The following PLCD3 variants were observed in gnomAD, a reference collection of about 807,000 sequenced individuals.
The protein encoded by PLCD3 is 1-phosphatidylinositol 4,5-bisphosphate phosphodiesterase delta-3.
Under a neutral mutation model 82.8 loss-of-function variants are expected in PLCD3, and 62 were observed. That is an observed-to-expected ratio of 0.75 (90% CI 0.61 to 0.93). PLCD3 has a LOEUF of 0.93. PLCD3 is among the 40% of genes least tolerant of loss of function. The pLI, the probability that PLCD3 is intolerant of heterozygous loss-of-function variation, is 0.00. For synonymous variants in PLCD3, 478 were observed against 471.8 expected, an observed-to-expected ratio of 1.01 and a Z score of -0.17; for missense variants, 1,023 against 1,103.4, an observed-to-expected ratio of 0.93 and a Z score of 1.03.
intron 1 of PLCD3, among the ~76,000 whole-genome samples, chr17:45,126,042 CAT>C (rs1567883924): frequency 1.5e-5 from 2 of 132,352 alleles, no homozygotes; most frequent in Admixed American, 8.5e-5. Context: ...TATATTTTAC[CAT>C]ATTTTTTTTT....
At chr17:45,119,663 A>T (rs2054320884) in intron 4 of PLCD3, among the ~76,000 whole-genome samples, 1 of 152,220 alleles carries the variant, frequency 6.6e-6, no homozygotes, top group Admixed American at 6.5e-5. Context: ...TTGGGCCCTC[A>T]CACTCCCCTA....
chr17:45,129,577 C>T (rs1018753642), intron 1 of PLCD3, among the ~76,000 whole-genome samples: 1 of 152,198 alleles, frequency 6.6e-6, no homozygotes, highest in African/African-American at 2.4e-5. Context: ...TGATTTCACC[C>T]CTCCGCCTTG....
At position 45,120,937 on chromosome 17, in the gene PLCD3, G is replaced by C; in HGVS notation, c.519C>G (p.Arg173=). 1 of 1,475,154 alleles carries C rather than the reference G, an allele frequency of 6.8e-7. No homozygotes were observed. The highest frequency in any genetic ancestry group is 1.3e-5 in the South Asian group (1 of 75,376). The allele number at this position is 1,475,154 out of a possible 1,614,324, so 91.4% of individuals were successfully genotyped here. Residue 173 remains arginine, a synonymous_variant, in exon 3 of 15, where the codon CGC becomes CGG. Coordinates refer to ENST00000619929, the MANE Select transcript of PLCD3 (RefSeq NM_133373.5). ...WVRGLTKLRA[R]LDAMSQRERL... Reference sequence around the variant, plus strand: ...GCTCGCGCTGGCTCATGGCGTCCAGGCGCGCGCGGAGCTTGGTCAGACCGC... The same window carrying C: ...GCTCGCGCTGGCTCATGGCGTCCAGCCGCGCGCGGAGCTTGGTCAGACCGC...
Position 45,118,895 on chromosome 17 carries a change from A to G in PLCD3, c.833T>C (p.Phe278Ser). Reference sequence around the variant, plus strand: ...GCCCTCCTCGCCCTGGTCCTCCAGGAACTCCAGCAGCTCAGGGGCACTCAG... The same window carrying G: ...GCCCTCCTCGCCCTGGTCCTCCAGGGACTCCAGCAGCTCAGGGGCACTCAG... ...RVLSAPELLE[F>S]LEDQGEEGAT... Residue 278 changes from phenylalanine to serine, a missense_variant, in exon 5 of 15, where the codon TTC (phenylalanine) becomes TCC (serine). Transcript: ENST00000619929. The surrounding 1 kb of genome is among the most constrained non-coding windows in gnomAD (Gnocchi z 4.1). 1 of 1,612,690 alleles carries G rather than the reference A, an allele frequency of 6.2e-7. No homozygotes were observed. Among genetic ancestry groups the G allele is most frequent in the Non-Finnish European group, 8.5e-7 (1 of 1,179,850 alleles).
At position 45,120,952 on chromosome 17, in the gene PLCD3, G is replaced by T. The variant is rs1262803919; in HGVS notation, c.504C>A (p.Thr168=). The T allele has an allele frequency of 1.3e-6, 2 of 1,508,798 alleles. No homozygotes were observed. The highest frequency in any genetic ancestry group is 1.2e-5 in the South Asian group (1 of 80,536). The allele number at this position is 1,508,798 out of a possible 1,614,324, so 93.5% of individuals were successfully genotyped here. Residue 168 remains threonine, a synonymous_variant, in exon 3 of 15, where the codon ACC becomes ACA. Transcript: ENST00000619929. ...EEAQRWVRGL[T]KLRARLDAMS... is the part of the protein sequence containing the mutation. ...TGGCGTCCAGGCGCGCGCGGAGCTT[G>T]GTCAGACCGCGCACCCAGCGCTGCG...
Position 45,115,258 on chromosome 17 carries a change from C to G in PLCD3, c.1561-14G>C. On this transcript the variant is annotated splice_polypyrimidine_tract_variant and intron_variant, in intron 9 of 14. Transcript: ENST00000619929. Reference sequence around the variant, plus strand: ...GATCTGCTTGGCCTAGGAGACCAGGCTCAGCGGGGTTCAGCTGGCCCCCGC... The same window carrying G: ...GATCTGCTTGGCCTAGGAGACCAGGGTCAGCGGGGTTCAGCTGGCCCCCGC... 8 of 1,547,888 alleles carry G rather than the reference C, an allele frequency of 5.2e-6. No homozygotes were observed. The highest frequency in any genetic ancestry group is 6.1e-6 in the Non-Finnish European group (7 of 1,142,882).
intron 11 of PLCD3, 37 bp downstream of exon 11, chr17:45,114,213 C>T: frequency 6.8e-7 from 1 of 1,473,376 alleles, no homozygotes; most frequent in Non-Finnish European, 9.1e-7. Context: ...CACACTGTGG[C>T]ACCCCGCCTG....
Position 45,116,682 on chromosome 17 carries a change from C to T in PLCD3, c.1363G>A (p.Val455Met). 1 of 1,610,468 alleles carries T rather than the reference C, an allele frequency of 6.2e-7. No individual in the cohort carries two copies. Among genetic ancestry groups the T allele is most frequent in the African/African-American group, 1.3e-5 (1 of 74,812 alleles). The stretch of plus-strand genomic sequence containing the variant: ...TTTGGGGAGTCCAGCGCCTGTGTCA[C>T]CAGCATGTCCCCCAGGATGGTGCAG... ...HLCTILGDML[V>M]TQALDSPNPE... is the part of the protein sequence containing the mutation. The change falls in exon 8 of 15, where the codon GTG becomes ATG. Residue 455 changes from valine to methionine, a missense_variant. By Grantham distance (21) the Val-to-Met change is conservative. This residue lies in a region of PLCD3 where 553 missense variants were observed against 655.7 expected (regional missense o/e 0.84). Transcript: ENST00000619929.
Position 45,113,475 on chromosome 17 carries a change from C to T in PLCD3, c.1959G>A (p.Glu653=), listed in dbSNP as rs767769070. The T allele has an allele frequency of 8.1e-6, 13 of 1,595,436 alleles. No homozygotes were observed. In the African/African-American group the frequency reaches 1.5e-4, roughly 18 times the overall value. The change falls in exon 12 of 15, where the codon GAG becomes GAA. Residue 653 remains glutamate, a synonymous_variant. Coordinates refer to ENST00000619929, the MANE Select transcript of PLCD3 (RefSeq NM_133373.5). ...LRQPDSTFDP[E]YPGPPRTTLS... ...GAGTGGTTCTGGGAGGTCCTGGGTA[C>T]TCGGGGTCAAAGGTCGAGTCAGGTT...
intron 1 of PLCD3, among the ~76,000 whole-genome samples, chr17:45,130,858 C>T (rs1345887895): frequency 3.3e-5 from 5 of 152,056 alleles, no homozygotes; most frequent in East Asian, 1.9e-4. Flanking sequence ...TTGCCACTCC[C>T]GTCTTCCTCA....
intron 12 of PLCD3, 38 bp downstream of exon 12, chr17:45,113,401 G>A (rs777119281): frequency 1.3e-6 from 2 of 1,569,906 alleles, no homozygotes; most frequent in East Asian, 4.7e-5. Flanking sequence ...TCTAGAACCA[G>A]TCTGACCCCA....
chr17:45,118,007 T>C lies in PLCD3; in HGVS notation c.1247A>G (p.Asp416Gly). The C allele has an allele frequency of 1.2e-6, 2 of 1,613,366 alleles. No homozygotes were observed. The highest frequency in any genetic ancestry group is 8.5e-7 in the Non-Finnish European group (1 of 1,179,724). Residue 416 changes from aspartate (D) to glycine (G), a missense_variant, in exon 7 of 15, where the codon GAC (aspartate) becomes GGC (glycine). By Grantham distance (94) the Asp-to-Gly change is moderately conservative. Coordinates refer to ENST00000619929, the MANE Select transcript of PLCD3 (RefSeq NM_133373.5). The surrounding 1 kb of genome is among the most constrained non-coding windows in gnomAD (Gnocchi z 4.1). ...CCAGGGGCTCACCGTGAAGGCATGG[T>C]CGCGCACGGCTTGGACCACGTCCCG... is the stretch of plus-strand genomic sequence containing the variant. ...LFRDVVQAVR[D>G]HAFTLSPYPV...
rs749659937 is a variant in PLCD3, at chr17:45,117,962, TG to T, written c.1260+31del. On this transcript the variant is annotated intron_variant, in intron 7 of 14. Transcript: ENST00000619929. Reference sequence around the variant, plus strand: ...CGGACGGAGGTCATTGGGAAGGCTGTGGGGCTGGGGCTGGGCATCCCAGGGG... The same window carrying T: ...CGGACGGAGGTCATTGGGAAGGCTGTGGGCTGGGGCTGGGCATCCCAGGGG... 3.1e-6 allele frequency: 5 copies of T among 1,610,216 alleles called. No individual in the cohort carries two copies. In the African/African-American group the frequency reaches 6.7e-5, roughly 22 times the overall value.
intron 1 of PLCD3, among the ~76,000 whole-genome samples, chr17:45,128,270 G>T (rs2054396210): frequency 6.6e-6 from 1 of 152,220 alleles, no homozygotes; most frequent in Admixed American, 6.5e-5. Context: ...AAGTGGGGGT[G>T]GCAGCACCCT....
rs2054461576 is a variant in PLCD3, at chr17:45,132,021, GC to G, written c.163+226del. On this transcript the variant is annotated intron_variant, in intron 1 of 14. Transcript: ENST00000619929. This position sits in a 1 kb window ranked among gnomAD's most constrained non-coding sequence, Gnocchi z 4.6. ...TTCGCGCTTCAGACGCCCCGCGAGC[GC>G]CCCCTGGTGGGAAGCAAAGAACACC... Among the ~76,000 whole-genome samples, 2 of 152,140 alleles carry G rather than the reference GC, an allele frequency of 1.3e-5. No individual in the cohort carries two copies. The highest frequency in any genetic ancestry group is 2.9e-5 in the Non-Finnish European group (2 of 68,016).
intron 1 of PLCD3, among the ~76,000 whole-genome samples, chr17:45,127,885 C>A (rs553920970): frequency 2.0e-5 from 3 of 152,034 alleles, no homozygotes; most frequent in African/African-American, 7.2e-5. Context: ...GGGAAATAGG[C>A]GGCTCGCACT....
intron 1 of PLCD3, 133 bp from the exon 2 acceptor site, chr17:45,121,505 T>TC (rs2054340855): frequency 9.0e-7 from 1 of 1,109,022 alleles, no homozygotes; most frequent in Non-Finnish European, 1.2e-6. Context: ...TAAGCTTCCC[T>TC]CCCCCTCACA....
rs1015357832 is a variant in PLCD3 at position 45,132,327 on chromosome 17, C to T, written c.84G>A (p.Ala28=). 15 of 1,239,486 alleles carry T rather than the reference C, an allele frequency of 1.2e-5. No homozygotes were observed. The highest frequency in any genetic ancestry group is 4.0e-5 in the Admixed American group (1 of 24,700). The allele number at this position is 1,239,486 out of a possible 1,614,324, so 76.8% of individuals were successfully genotyped here. ...TCGGCGGGGACGGGAGAGCGACCGG[C>T]GCCGCGACTTGGGCTGCGACCTGGG... is the stretch of plus-strand genomic sequence containing the variant. The part of the protein sequence containing the change: ...VAAQVAAQVA[A]PVALPSPPTP... The change falls in exon 1 of 15, where the codon GCG becomes GCA. Residue 28 remains alanine, a synonymous_variant. Coordinates refer to ENST00000619929, the MANE Select transcript of PLCD3 (RefSeq NM_133373.5). This position sits in a 1 kb window ranked among gnomAD's most constrained non-coding sequence, Gnocchi z 4.6.
intron 1 of PLCD3, among the ~76,000 whole-genome samples, chr17:45,130,645 G>T (rs1056852880): frequency 6.6e-6 from 1 of 152,074 alleles, no homozygotes; most frequent in Non-Finnish European, 1.5e-5. Context: ...CCCAAGTCTG[G>T]TCCCCACCCC....
Sources: gnomAD v4.1 joint callset for allele counts (sites outside exome capture counted in the v4.1 genomes callset) on GRCh38, gnomAD v4.1.1 for gene constraint, gnomAD v4.1.1 regional missense constraint, Gnocchi (gnomAD v3.1) non-coding constraint, MANE v1.5 for transcripts, NCBI Gene and HGNC (gene_info 2026-07-23, HGNC 2026-07-21) for gene names.